Variants in CSMD3 observed in about 807,000 individuals in gnomAD.
CSMD3 encodes the protein CUB and Sushi multiple domains 3.
Under a neutral mutation model 435.2 loss-of-function variants are expected in CSMD3, and 177 were observed. That is an observed-to-expected ratio of 0.41 (90% CI 0.36 to 0.46). The LOEUF (loss-of-function observed/expected upper bound fraction) is 0.46. CSMD3 is among the 20% of genes least tolerant of loss of function. The probability of loss-of-function intolerance (pLI) is 0.34; values close to 1 mark genes in which losing one functional copy is unlikely to be tolerated. For missense variants in CSMD3, 4,265 were observed against 4,504.6 expected (o/e 0.95, Z 1.52); for synonymous variants, 1,656 against 1,520.5 (o/e 1.09, Z -2.07).
chr8:113,285,656 G>A (rs897514794), intron 2 of CSMD3, among the ~76,000 whole-genome samples: 2 of 152,126 alleles, frequency 1.3e-5, no homozygotes, highest in Non-Finnish European at 2.9e-5. Context: ...AAATATATGA[G>A]ACGAACATCC....
At chr8:112,787,315 G>A (rs185268920) in intron 13 of CSMD3, among the ~76,000 whole-genome samples, 1 of 152,168 alleles carries the variant, frequency 6.6e-6, no homozygotes, top group Admixed American at 6.6e-5. Flanking sequence ...CAAAAAACAG[G>A]CAATAGTGAA....
intron 5 of CSMD3, among the ~76,000 whole-genome samples, chr8:113,097,890 T>C (rs778840651): frequency 1.3e-5 from 2 of 152,006 alleles, no homozygotes; most frequent in Non-Finnish European, 2.9e-5. Context: ...CTTTTGATTA[T>C]ACATCATCAG....
At chr8:113,221,354 TACAC>T (rs147263614) in intron 3 of CSMD3, among the ~76,000 whole-genome samples, 248 of 141,872 alleles carry the variant, frequency 1.7e-3, no homozygotes, top group Middle Eastern at 3.6e-3. Flanking sequence ...CAGACACAGT[TACAC>T]ACACACACAC....
At chr8:112,415,223 T>A (rs1404008828) in intron 32 of CSMD3, among the ~76,000 whole-genome samples, 1 of 152,214 alleles carries the variant, frequency 6.6e-6, no homozygotes, top group African/African-American at 2.4e-5. Flanking sequence ...CCCTGCTCTG[T>A]GCAGCCTCAG....
rs1041574574 is a variant in CSMD3 at position 112,915,770 on chromosome 8, A to G, written c.1633+5857T>C. 1.8e-3 allele frequency among the ~76,000 whole-genome samples: 266 copies of G among 151,960 alleles called. 1 individual carries two copies. The highest frequency in any genetic ancestry group is 3.1e-3 in the Non-Finnish European group (207 of 67,788). ...CAAATTTGAAACCTGTCTTTTTTAAATATCCAAAACATAATGCAATAAAAA... is the reference window on the plus strand; with the variant it reads ...CAAATTTGAAACCTGTCTTTTTTAAGTATCCAAAACATAATGCAATAAAAA... On this transcript the variant is annotated intron_variant, in intron 10 of 70. Transcript: ENST00000297405.
chr8:112,670,213 G>C (rs1310987832), intron 16 of CSMD3, among the ~76,000 whole-genome samples: 1 of 152,088 alleles, frequency 6.6e-6, no homozygotes, highest in African/African-American at 2.4e-5. Context: ...ACTGAGGGAG[G>C]ATATTGTAAA....
intron 17 of CSMD3, 49 bp downstream of exon 17, chr8:112,666,228 A>G: frequency 7.3e-7 from 1 of 1,368,422 alleles, no homozygotes; most frequent in Non-Finnish European, 1.0e-6. Flanking sequence ...ATGTCAACTA[A>G]TCTTTTAGAT....
intron 27 of CSMD3, among the ~76,000 whole-genome samples, chr8:112,525,915 T>A (rs553453777): frequency 9.0e-4 from 129 of 143,556 alleles, no homozygotes; most frequent in African/African-American, 3.1e-3. Flanking sequence ...GTATATATAT[T>A]TTATATATAT....
chr8:112,304,011 C>T (rs1372183255), intron 52 of CSMD3, among the ~76,000 whole-genome samples: 1 of 152,108 alleles, frequency 6.6e-6, no homozygotes, highest in Non-Finnish European at 1.5e-5. Flanking sequence ...CAAGATATTT[C>T]ACCTGAATAT....
At chr8:112,693,890 T>G (rs1404231752) in intron 13 of CSMD3, among the ~76,000 whole-genome samples, 1 of 151,662 alleles carries the variant, frequency 6.6e-6, no homozygotes, top group East Asian at 1.9e-4. Context: ...ATGTATATAA[T>G]ACACATATAC....
At chr8:113,096,229 C>T (rs1361007641) in intron 5 of CSMD3, among the ~76,000 whole-genome samples, 2 of 152,038 alleles carry the variant, frequency 1.3e-5, no homozygotes, top group African/African-American at 4.8e-5. Flanking sequence ...CAAATTTAAG[C>T]TCCACATCAT....
chr8:113,104,026 A>T (rs2090405541), intron 4 of CSMD3, among the ~76,000 whole-genome samples: 1 of 152,102 alleles, frequency 6.6e-6, no homozygotes, highest in Admixed American at 6.6e-5. Context: ...ATGGCTGTTA[A>T]TAAAAAAATA....
At chr8:113,058,452 A>T (rs1379118536) in intron 5 of CSMD3, among the ~76,000 whole-genome samples, 1 of 151,942 alleles carries the variant, frequency 6.6e-6, no homozygotes, top group Admixed American at 6.6e-5. Flanking sequence ...AAAACAAGGG[A>T]AAATATCCTA....
At chr8:112,419,751 A>G (rs979820277) in intron 32 of CSMD3, among the ~76,000 whole-genome samples, 1 of 152,186 alleles carries the variant, frequency 6.6e-6, no homozygotes, top group Non-Finnish European at 1.5e-5. Flanking sequence ...AAGCAAATAT[A>G]GTTTAATTTT....
At chr8:112,846,652 C>T (rs993070800) in intron 11 of CSMD3, among the ~76,000 whole-genome samples, 2 of 152,092 alleles carry the variant, frequency 1.3e-5, no homozygotes, top group African/African-American at 2.4e-5. Context: ...TCAAGTGATC[C>T]TCCCACCTTG....
At chr8:113,308,033 T>G (rs2093835396) in intron 2 of CSMD3, among the ~76,000 whole-genome samples, 1 of 152,160 alleles carries the variant, frequency 6.6e-6, no homozygotes, top group Non-Finnish European at 1.5e-5. Context: ...AGTGTTTCTC[T>G]ATTTTACAAC....
chr8:112,913,620 A>G (rs79858330), intron 10 of CSMD3, among the ~76,000 whole-genome samples: 5,099 of 151,838 alleles, frequency 0.034, 145 homozygotes, highest in Middle Eastern at 0.051. Flanking sequence ...CCCATCCTCA[A>G]TAAGTTTATG....
At chr8:112,744,709 A>C (rs1453121139) in intron 13 of CSMD3, among the ~76,000 whole-genome samples, 3 of 152,104 alleles carry the variant, frequency 2.0e-5, no homozygotes, top group Non-Finnish European at 4.4e-5. Flanking sequence ...GTGACAAAAT[A>C]AAACCTCACA....
intron 17 of CSMD3, among the ~76,000 whole-genome samples, chr8:112,658,737 C>T (rs190741803): frequency 3.3e-4 from 50 of 152,196 alleles, no homozygotes; most frequent in South Asian, 1.9e-3. Flanking sequence ...GTGGGTGAGT[C>T]ACCTGAAGTC....
Sources: allele counts gnomAD v4.1 joint callset (sites outside exome capture counted in the v4.1 genomes callset), GRCh38; gene constraint gnomAD v4.1.1; transcripts MANE v1.5; gene names NCBI Gene and HGNC (gene_info 2026-07-23, HGNC 2026-07-21).